SLC35F4: variants seen among roughly 807,000 people sequenced by gnomAD.
SLC35F4 encodes the protein chromosome 14 open reading frame 36.
SLC35F4 carries 24 observed loss-of-function variants against 44.2 expected under a neutral mutation model. The ratio of observed to expected loss-of-function variants is 0.54; its 90% CI spans 0.39 to 0.76. The LOEUF (loss-of-function observed/expected upper bound fraction) is 0.76. Ranked by LOEUF, SLC35F4 falls within the 30% of genes least tolerant of loss-of-function variation. SLC35F4 has a pLI of 0.00. For missense variants in SLC35F4, 562 were observed against 586.1 expected, an observed-to-expected ratio of 0.96 and a Z score of 0.42; for synonymous variants, 238 against 223.6, an observed-to-expected ratio of 1.06 and a Z score of -0.57.
At chr14:57,859,761 G>T (rs942391321) in intron 1 of SLC35F4, among the ~76,000 whole-genome samples, 2 of 152,186 alleles carry the variant, frequency 1.3e-5, no homozygotes, top group African/African-American at 4.8e-5. Context: ...CATATCTGGG[G>T]TAAAACGCAC....
intron 1 of SLC35F4, among the ~76,000 whole-genome samples, chr14:57,899,291 G>A (rs1485565954): frequency 1.3e-5 from 2 of 152,118 alleles, no homozygotes; most frequent in African/African-American, 4.8e-5. Context: ...CACATAAGAA[G>A]TCTGAGGTTC....
At chr14:57,714,567 A>G (rs370821822) in intron 1 of SLC35F4, among the ~76,000 whole-genome samples, 1 of 152,196 alleles carries the variant, frequency 6.6e-6, no homozygotes. Context: ...TCTTGCTCTT[A>G]TAAATCAGAC....
chr14:57,613,730 G>A (rs1329593073), intron 1 of SLC35F4, among the ~76,000 whole-genome samples: 9 of 152,186 alleles, frequency 5.9e-5, no homozygotes, highest in Non-Finnish European at 1.3e-4. Context: ...CAGCACAGCT[G>A]AAAGAGCCCA....
downstream of SLC35F4, among the ~76,000 whole-genome samples, chr14:57,974,251 C>T (rs1881143188): frequency 6.6e-6 from 1 of 152,092 alleles, no homozygotes; most frequent in Non-Finnish European, 1.5e-5. Flanking sequence ...CCAAGGCCTC[C>T]CCAACATGGC....
chr14:57,911,094 G>T (rs566536728), intron 1 of SLC35F4, among the ~76,000 whole-genome samples: 4 of 152,082 alleles, frequency 2.6e-5, no homozygotes, highest in Non-Finnish European at 5.9e-5. Context: ...ATATAGAAAA[G>T]TGATTAAATT....
chr14:57,970,029 C>G (rs1323153844), intron 1 of SLC35F4, among the ~76,000 whole-genome samples: 1 of 152,166 alleles, frequency 6.6e-6, no homozygotes, highest in Non-Finnish European at 1.5e-5. Context: ...AAATTAGACC[C>G]AAATTTAAAT....
chr14:57,892,408 C>G (rs1339119620), intron 1 of SLC35F4, among the ~76,000 whole-genome samples: 1 of 152,186 alleles, frequency 6.6e-6, no homozygotes, highest in African/African-American at 2.4e-5. Flanking sequence ...GACAATCTGA[C>G]TGTTCAACTG....
chr14:57,738,660 A>G (rs903997910), intron 1 of SLC35F4, among the ~76,000 whole-genome samples: 1 of 151,146 alleles, frequency 6.6e-6, no homozygotes, highest in East Asian at 1.9e-4. Flanking sequence ...TCTCAAAATC[A>G]TGGGAAGTCT....
intron 1 of SLC35F4, among the ~76,000 whole-genome samples, chr14:57,940,183 C>A (rs1889891019): frequency 6.6e-6 from 1 of 152,148 alleles, no homozygotes; most frequent in African/African-American, 2.4e-5. Context: ...AGGGTCAGGG[C>A]TCAGTATTGT....
intron 1 of SLC35F4, among the ~76,000 whole-genome samples, chr14:57,858,799 T>C (rs1022838819): frequency 2.0e-5 from 3 of 151,762 alleles, no homozygotes; most frequent in Non-Finnish European, 2.9e-5. Context: ...ATATAAGATC[T>C]AAAAGGAAAG....
chr14:57,641,097 T>C (rs539644903), intron 1 of SLC35F4, among the ~76,000 whole-genome samples: 9 of 151,040 alleles, frequency 6.0e-5, no homozygotes, highest in Admixed American at 1.3e-4. Flanking sequence ...AGTTGTTCTA[T>C]AGACAAACAC....
chr14:57,618,229 C>T (rs942275630), intron 1 of SLC35F4, among the ~76,000 whole-genome samples: 1 of 152,168 alleles, frequency 6.6e-6, no homozygotes, highest in African/African-American at 2.4e-5. Context: ...ATCCAGTCAT[C>T]GTGGCAGCTT....
chr14:57,744,181 C>T (rs1411954468), intron 1 of SLC35F4, among the ~76,000 whole-genome samples: 1 of 152,166 alleles, frequency 6.6e-6, no homozygotes, highest in Non-Finnish European at 1.5e-5. Flanking sequence ...CAGGGATGCC[C>T]TCTCTCACAC....
chr14:57,959,593 G>C (rs758622543), intron 1 of SLC35F4, among the ~76,000 whole-genome samples: 3 of 152,150 alleles, frequency 2.0e-5, no homozygotes, highest in Non-Finnish European at 4.4e-5. Flanking sequence ...CCCTAGCCAT[G>C]ACAAATGTGA....
intron 1 of SLC35F4, among the ~76,000 whole-genome samples, chr14:57,850,191 G>A (rs1264664922): frequency 6.6e-6 from 1 of 152,192 alleles, no homozygotes; most frequent in Admixed American, 6.5e-5. Context: ...CACATGAAAA[G>A]TTGCAACGTC....
chr14:57,739,269 C>A (rs2076545274), intron 1 of SLC35F4, among the ~76,000 whole-genome samples: 1 of 152,134 alleles, frequency 6.6e-6, no homozygotes, highest in South Asian at 2.1e-4. Context: ...ACCAGAAGGT[C>A]CCACATTCGA....
At chr14:57,833,139 C>T (rs1054646199) in intron 1 of SLC35F4, among the ~76,000 whole-genome samples, 1 of 152,168 alleles carries the variant, frequency 6.6e-6, no homozygotes, top group African/African-American at 2.4e-5. Context: ...AGCTTACTGT[C>T]ACGTTGTTGT....
At chr14:57,709,260 T>G (rs544295547) in intron 1 of SLC35F4, among the ~76,000 whole-genome samples, 10 of 152,088 alleles carry the variant, frequency 6.6e-5, no homozygotes, top group Non-Finnish European at 1.3e-4. Context: ...CACTTGGCAA[T>G]GGGTGTCTTC....
intron 6 of SLC35F4, among the ~76,000 whole-genome samples, chr14:57,567,439 A>T (rs1160898025): frequency 6.6e-6 from 1 of 152,214 alleles, no homozygotes; most frequent in East Asian, 1.9e-4. Context: ...AACCAAAAAA[A>T]GTTCTAGAAG....
Sources: allele counts gnomAD v4.1 joint callset (sites outside exome capture counted in the v4.1 genomes callset), GRCh38; gene constraint gnomAD v4.1.1; transcripts MANE v1.5; gene names NCBI Gene and HGNC (gene_info 2026-07-23, HGNC 2026-07-21).